The following TENM4 variants were observed in gnomAD, a reference collection of about 807,000 sequenced individuals.
The protein encoded by TENM4 is teneurin transmembrane protein 4, also known as teneurin-4.
A neutral mutation model predicts 243.3 loss-of-function variants in TENM4; 82 were observed. The ratio of observed to expected loss-of-function variants is 0.34; its 90% confidence interval spans 0.28 to 0.40. The LOEUF (loss-of-function observed/expected upper bound fraction) is 0.40. Ranked by LOEUF, TENM4 falls within the 10% of genes least tolerant of loss-of-function variation. TENM4 has a pLI of 1.00. For missense variants in TENM4, 3,138 were observed against 3,673.3 expected (o/e 0.85, Z 3.77); for synonymous variants, 1,412 against 1,456.3 (o/e 0.97, Z 0.69).
Position 79,138,861 on chromosome 11 carries a change from T to C in TENM4, c.-66+9849A>G, listed in dbSNP as rs1246239497. Among the ~76,000 whole-genome samples the C allele has an allele frequency of 3.9e-4, 46 of 118,410 alleles. 5 individuals are homozygous for C. Among genetic ancestry groups the C allele is most frequent in the Non-Finnish European group, 5.1e-4 (32 of 62,382 alleles). 77.7% of individuals were successfully genotyped at this position (118,410 alleles called of 152,430 possible). ...ATTATATTTATATAAATATACAAAA[T>C]ATACCTTATATTTATATAAATATAT... On this transcript the variant is annotated intron_variant, in intron 4 of 33. Transcript: ENST00000278550.
At chr11:79,025,709 C>T (rs941459616) in intron 6 of TENM4, among the ~76,000 whole-genome samples, 5 of 152,186 alleles carry the variant, frequency 3.3e-5, no homozygotes, top group African/African-American at 1.2e-4. Context: ...TTGCTCTTTA[C>T]GGCTAATCTG....
At position 78,854,291 on chromosome 11, in the gene TENM4, A is replaced by G; in HGVS notation, c.1494T>C (p.Asp498=). 1 of 1,516,072 alleles carries G rather than the reference A, an allele frequency of 6.6e-7. No homozygotes were observed. Among genetic ancestry groups the G allele is most frequent in the Non-Finnish European group, 8.9e-7 (1 of 1,128,220 alleles). 93.9% of individuals were successfully genotyped at this position (1,516,072 alleles called of 1,614,324 possible). ...CCTCCTGGGTTAGGAGCCTCCTGCC[A>G]TCCAGCAGCTCCACAAAGTCAAACT... ...HTQFDFVELL[D]GRRLLTQEAR... is the part of the protein sequence containing the mutation. The change falls in exon 12 of 34, where the codon GAT becomes GAC. Residue 498 remains aspartate (D), a synonymous_variant. Coordinates refer to ENST00000278550, the MANE Select transcript of TENM4 (RefSeq NM_001098816.3).
At chr11:78,882,253 G>A (rs567014206) in intron 9 of TENM4, among the ~76,000 whole-genome samples, 30 of 152,312 alleles carry the variant, frequency 2.0e-4, no homozygotes, top group South Asian at 8.3e-4. Context: ...TGGGTGTTGG[G>A]GGGTGGATAA....
intron 12 of TENM4, among the ~76,000 whole-genome samples, chr11:78,852,339 C>A (rs1045471964): frequency 6.6e-6 from 1 of 152,170 alleles, no homozygotes; most frequent in African/African-American, 2.4e-5. Context: ...ACACAAAGGG[C>A]AAATTTCAAG....
intron 4 of TENM4, among the ~76,000 whole-genome samples, chr11:79,115,711 T>C (rs1458384764): frequency 6.6e-6 from 1 of 152,202 alleles, no homozygotes; most frequent in African/African-American, 2.4e-5. Context: ...CCAAAGTGCT[T>C]GTCCAAGACA....
chr11:78,986,031 T>C (rs1177127948), intron 6 of TENM4, among the ~76,000 whole-genome samples: 7 of 152,224 alleles, frequency 4.6e-5, no homozygotes, highest in Admixed American at 1.3e-4. Flanking sequence ...AAGCACAATG[T>C]CTTTAGAACA....
intron 6 of TENM4, among the ~76,000 whole-genome samples, chr11:78,970,733 G>A (rs1166150595): frequency 6.6e-6 from 1 of 152,184 alleles, no homozygotes; most frequent in African/African-American, 2.4e-5. Flanking sequence ...TCAAGAGGTT[G>A]CTCTGAGGGT....
At chr11:78,932,852 C>T (rs571962163) in intron 6 of TENM4, among the ~76,000 whole-genome samples, 4 of 152,330 alleles carry the variant, frequency 2.6e-5, no homozygotes, top group Non-Finnish European at 5.9e-5. Flanking sequence ...CACTGCTGAT[C>T]TGACAGGAGG....
intron 25 of TENM4, among the ~76,000 whole-genome samples, chr11:78,715,888 C>A (rs1859510759): frequency 6.6e-6 from 1 of 152,180 alleles, no homozygotes; most frequent in Non-Finnish European, 1.5e-5. Context: ...CCCATCTAGA[C>A]TCCACCAGGC....
chr11:79,117,344 G>T (rs972284472), intron 4 of TENM4, among the ~76,000 whole-genome samples: 1 of 152,146 alleles, frequency 6.6e-6, no homozygotes, highest in African/African-American at 2.4e-5. Flanking sequence ...GCCTACATAG[G>T]CAGGAGGCTA....
intron 6 of TENM4, among the ~76,000 whole-genome samples, chr11:78,984,946 G>A (rs1437626101): frequency 2.0e-5 from 3 of 152,200 alleles, no homozygotes; most frequent in African/African-American, 7.2e-5. Context: ...TGTTACAGCA[G>A]TGAGTTCTAC....
At chr11:79,144,221 T>C (rs1862349899) in intron 4 of TENM4, among the ~76,000 whole-genome samples, 1 of 152,064 alleles carries the variant, frequency 6.6e-6, no homozygotes, top group Non-Finnish European at 1.5e-5. Flanking sequence ...TCATTGATTA[T>C]CAGAGAAAAG....
At position 78,720,407 on chromosome 11, in the gene TENM4, G is replaced by A; in HGVS notation, c.3801-17C>T. 2 of 1,613,866 alleles carry A rather than the reference G, an allele frequency of 1.2e-6. No individual in the cohort carries two copies. Among genetic ancestry groups the A allele is most frequent in the Non-Finnish European group, 1.7e-6 (2 of 1,179,866 alleles). ...TCTTTATTTCTGACAGAAGACAGGA[G>A]AGCAGGGAATAGAAGAAAGAATGAG... On this transcript the variant is annotated splice_polypyrimidine_tract_variant and intron_variant, in intron 24 of 33. Transcript: ENST00000278550.
At chr11:78,777,063 CAT>C (rs1342947393) in intron 17 of TENM4, among the ~76,000 whole-genome samples, 2 of 152,006 alleles carry the variant, frequency 1.3e-5, no homozygotes, top group Non-Finnish European at 2.9e-5. Context: ...AAAAAAATCA[CAT>C]GACTCACCTA....
intron 12 of TENM4, among the ~76,000 whole-genome samples, chr11:78,823,839 C>T (rs951633659): frequency 6.6e-6 from 1 of 152,154 alleles, no homozygotes; most frequent in Non-Finnish European, 1.5e-5. Flanking sequence ...TGGCACGTCA[C>T]CAGGATCTAC....
intron 33 of TENM4, among the ~76,000 whole-genome samples, chr11:78,659,216 A>G (rs939211775): frequency 7.9e-5 from 12 of 152,248 alleles, no homozygotes; most frequent in Non-Finnish European, 1.6e-4. Flanking sequence ...AGTAATAGCC[A>G]TAGCTAACAT....
intron 10 of TENM4, 124 bp downstream of exon 10, chr11:78,862,838 G>C (rs1858857328): frequency 1.9e-6 from 2 of 1,043,654 alleles, no homozygotes; most frequent in African/African-American, 3.3e-5. Flanking sequence ...AGTGTGGAAG[G>C]ATGGAGGGAG....
chr11:78,869,468 C>A (rs1859069494), intron 9 of TENM4, among the ~76,000 whole-genome samples: 1 of 150,560 alleles, frequency 6.6e-6, no homozygotes, highest in African/African-American at 2.4e-5. Flanking sequence ...AAAAAGGAAG[C>A]CTCCAACTTA....
At chr11:79,069,357 T>C (rs1273442306) in intron 5 of TENM4, among the ~76,000 whole-genome samples, 1 of 152,158 alleles carries the variant, frequency 6.6e-6, no homozygotes, top group Non-Finnish European at 1.5e-5. Context: ...CATTAAGTCC[T>C]CAGGACAATT....
Sources: allele counts gnomAD v4.1 joint callset (sites outside exome capture counted in the v4.1 genomes callset), GRCh38; gene constraint gnomAD v4.1.1; transcripts MANE v1.5; gene names NCBI Gene and HGNC (gene_info 2026-07-23, HGNC 2026-07-21).